Variants in ANO3 observed in about 807,000 individuals in gnomAD.
ANO3 encodes the protein anoctamin 3, also known as anoctamin-3.
In ANO3, 99 loss-of-function variants were observed where a neutral mutation model predicts 144.8. The observed-to-expected ratio is 0.68, with a 90% CI of 0.58 to 0.81. ANO3 has a LOEUF of 0.81. Ranked by LOEUF, ANO3 falls within the 30% of genes least tolerant of loss-of-function variation. The pLI is 0.00. For missense variants in ANO3, 905 were observed against 1,202.2 expected (o/e 0.75, Z 3.66); for synonymous variants, 414 against 392.6 (o/e 1.05, Z -0.64).
At chr11:26,266,782 T>C (rs1853318623) in intron 1 of ANO3, among the ~76,000 whole-genome samples, 2 of 150,638 alleles carry the variant, frequency 1.3e-5, no homozygotes, top group Admixed American at 6.6e-5. Flanking sequence ...CAGTGGCAAG[T>C]ATTTGAAAAA....
At chr11:26,606,298 G>A (rs1388898036) in intron 17 of ANO3, among the ~76,000 whole-genome samples, 1 of 152,166 alleles carries the variant, frequency 6.6e-6, no homozygotes, top group Non-Finnish European at 1.5e-5. Context: ...GAGACTGTTT[G>A]TTATGATTTC....
intron 1 of ANO3, among the ~76,000 whole-genome samples, chr11:26,435,745 T>C (rs1858271921): frequency 6.6e-6 from 1 of 152,156 alleles, no homozygotes; most frequent in Non-Finnish European, 1.5e-5. Context: ...ATTAGATCAG[T>C]TAGGTTCTTT....
intron 1 of ANO3, among the ~76,000 whole-genome samples, chr11:26,221,447 G>A (rs759204494): frequency 1.3e-5 from 2 of 152,200 alleles, no homozygotes; most frequent in Non-Finnish European, 2.9e-5. Flanking sequence ...TGGCCACAGG[G>A]TGGGATTGTC....
In ANO3 at chr11:26,227,770, G is replaced by A. The variant is rs192709813; in HGVS notation, c.154+38440G>A. On this transcript the variant is annotated intron_variant, in intron 1 of 27. Coordinates refer to the ANO3 transcript ENST00000672621. ...CCTTATACTCCTTCTCAGCATAGCA[G>A]TTCAGACATCCATTTCCAGTTGTGT... is the stretch of plus-strand genomic sequence containing the variant. Among the ~76,000 whole-genome samples the A allele has an allele frequency of 1.0e-3, 155 of 152,250 alleles. 1 individual carries two copies. The highest frequency in any genetic ancestry group is 3.5e-3 in the African/African-American group (147 of 41,550).
chr11:26,578,958 T>C (rs1441400563), intron 14 of ANO3, among the ~76,000 whole-genome samples: 1 of 152,240 alleles, frequency 6.6e-6, no homozygotes, highest in Admixed American at 6.5e-5. Context: ...CGTACTGTTA[T>C]AGCAGCTTTA....
At chr11:26,530,719 A>T (rs1849348851) in intron 7 of ANO3, among the ~76,000 whole-genome samples, 1 of 151,996 alleles carries the variant, frequency 6.6e-6, no homozygotes. Context: ...AAATAAAAAA[A>T]TTAGCTGGAC....
At chr11:26,482,321 G>A (rs976557557) in intron 4 of ANO3, among the ~76,000 whole-genome samples, 2 of 151,928 alleles carry the variant, frequency 1.3e-5, no homozygotes, top group African/African-American at 4.8e-5. Flanking sequence ...TGAATCATGT[G>A]GAATATGATG....
intron 1 of ANO3, among the ~76,000 whole-genome samples, chr11:26,281,747 A>ATTT (rs1400320738): frequency 1.3e-5 from 2 of 152,212 alleles, no homozygotes; most frequent in Non-Finnish European, 2.9e-5. Flanking sequence ...GACCTTGGTT[A>ATTT]TATGCTGATA....
chr11:26,362,120 C>T (rs1191205141), intron 1 of ANO3, among the ~76,000 whole-genome samples: 1 of 152,100 alleles, frequency 6.6e-6, no homozygotes, highest in Non-Finnish European at 1.5e-5. Context: ...TCCTTATTTA[C>T]TATGGTGATG....
chr11:26,545,450 ATCT>A (rs1196552981), intron 11 of ANO3, among the ~76,000 whole-genome samples: 2 of 152,064 alleles, frequency 1.3e-5, no homozygotes, highest in Non-Finnish European at 2.9e-5. Flanking sequence ...TTTAGTTGCA[ATCT>A]GTTTTTCCAT....
At chr11:26,634,355 AAC>A (rs770102488) in intron 19 of ANO3, 40 bp downstream of exon 19, 3 of 1,296,856 alleles carry the variant, frequency 2.3e-6, no homozygotes, top group Non-Finnish European at 3.3e-6. Context: ...CAGAGTGAAA[AAC>A]ACAGTCAATA....
intron 1 of ANO3, among the ~76,000 whole-genome samples, chr11:26,234,902 A>G (rs1282650692): frequency 6.6e-6 from 1 of 151,998 alleles, no homozygotes; most frequent in Non-Finnish European, 1.5e-5. Context: ...CTAAGGCCTG[A>G]GGGCCAGAAG....
At chr11:26,249,615 A>G (rs187781030) in intron 1 of ANO3, among the ~76,000 whole-genome samples, 114 of 152,220 alleles carry the variant, frequency 7.5e-4, no homozygotes, top group African/African-American at 2.7e-3. Context: ...TATTTGGAGC[A>G]CTGTTATGTT....
intron 1 of ANO3, among the ~76,000 whole-genome samples, chr11:26,430,226 A>C (rs1590352016): frequency 6.8e-6 from 1 of 147,572 alleles, no homozygotes; most frequent in Non-Finnish European, 1.5e-5. Flanking sequence ...GCACCACTGC[A>C]CTCCAGCCCA....
rs143458949 is a variant in ANO3, at chr11:26,596,822, G to T, written c.1448-1543G>T. 7.8e-3 allele frequency among the ~76,000 whole-genome samples: 1,193 copies of T among 152,312 alleles called. 7 individuals carry two copies. The highest frequency in any genetic ancestry group is 0.01 in the Non-Finnish European group (701 of 68,030). ...AACTGTTGAGTAGAGACTTCTGGCTGTGCAATGATCTCCACCGGCCAATGC... is the reference window on the plus strand; with the variant it reads ...AACTGTTGAGTAGAGACTTCTGGCTTTGCAATGATCTCCACCGGCCAATGC... On this transcript the variant is annotated intron_variant, in intron 14 of 26. Coordinates refer to ENST00000256737, the MANE Select transcript of ANO3 (RefSeq NM_031418.4).
rs752454747 is a variant in ANO3, at chr11:26,357,526, G to GT, written c.46+25215dup. ...ATAATGTATCTTTTCAATTTTTTCTGTTTTTTTTTTAAATCAGGTCATCAG... is the reference window on the plus strand; with the variant it reads ...ATAATGTATCTTTTCAATTTTTTCTGTTTTTTTTTTTAAATCAGGTCATCAG... On this transcript the variant is annotated intron_variant, in intron 1 of 26. Coordinates refer to ENST00000256737, the MANE Select transcript of ANO3 (RefSeq NM_031418.4). Among the ~76,000 whole-genome samples the GT allele has an allele frequency of 6.2e-3, 903 of 145,678 alleles. 4 individuals carry two copies. Among genetic ancestry groups the GT allele is most frequent in the Middle Eastern group, 0.014 (4 of 280 alleles).
At chr11:26,394,962 CAA>C (rs926323853) in intron 1 of ANO3, among the ~76,000 whole-genome samples, 36 of 152,206 alleles carry the variant, frequency 2.4e-4, no homozygotes, top group African/African-American at 8.7e-4. Context: ...AATAAATAAA[CAA>C]AAATACAGCA....
chr11:26,533,157 T>G (rs1849416309), intron 8 of ANO3, among the ~76,000 whole-genome samples: 1 of 152,068 alleles, frequency 6.6e-6, no homozygotes, highest in South Asian at 2.1e-4. Flanking sequence ...AAAATCAATG[T>G]ATTAAGAAAG....
intron 1 of ANO3, among the ~76,000 whole-genome samples, chr11:26,441,074 G>A (rs1858491240): frequency 6.6e-6 from 1 of 151,254 alleles, no homozygotes; most frequent in African/African-American, 2.4e-5. Context: ...ACTAAGCACA[G>A]GGTTGGTGTC....
Sources: gnomAD v4.1 joint callset for allele counts (sites outside exome capture counted in the v4.1 genomes callset) on GRCh38, gnomAD v4.1.1 for gene constraint, MANE v1.5 for transcripts, NCBI Gene and HGNC (gene_info 2026-07-23, HGNC 2026-07-21) for gene names.